Variants in ZNF713 observed in about 807,000 individuals in gnomAD.
The protein encoded by ZNF713 is zinc finger protein 713.
Under a neutral mutation model 28.7 loss-of-function variants are expected in ZNF713, and 21 were observed. The observed-to-expected ratio is 0.73, with a 90% CI of 0.52 to 1.05. The LOEUF is 1.05. ZNF713 is among the 50% of genes least tolerant of loss of function. The pLI is 0.00. For missense variants in ZNF713, 458 were observed against 532.4 expected, an observed-to-expected ratio of 0.86 and a Z score of 1.37; for synonymous variants, 167 against 178.0, an observed-to-expected ratio of 0.94 and a Z score of 0.49.
intron 1 of ZNF713, among the ~76,000 whole-genome samples, chr7:55,898,036 C>T (rs1345259056): frequency 6.6e-6 from 1 of 150,646 alleles, no homozygotes; most frequent in African/African-American, 2.4e-5. Context: ...CAACCCCAAA[C>T]CCCACCCCAC....
chr7:55,934,000 GA>G (rs1198680158), intron 6 of ZNF713, among the ~76,000 whole-genome samples: 1 of 152,024 alleles, frequency 6.6e-6, no homozygotes, highest in Non-Finnish European at 1.5e-5. Flanking sequence ...CCACCATACC[GA>G]GCCTAATTTT....
rs1044871509 is a variant in ZNF713 at position 55,899,998 on chromosome 7, C to T, written c.-582-6255C>T. ...ATCTCAGATGATCCACCCACCTCAG[C>T]CTCCCAAAGTGCAGGGATTACAGGT... On this transcript the variant is annotated intron_variant, in intron 1 of 6. Transcript: ENST00000429591. Among the ~76,000 whole-genome samples, 4 of 152,166 alleles carry T rather than the reference C, an allele frequency of 2.6e-5. No individual in the cohort carries two copies. In the South Asian group the frequency reaches 8.3e-4, roughly 32 times the overall value.
At position 55,918,207 on chromosome 7, in the gene ZNF713, C is replaced by G. The variant is rs183528265; in HGVS notation, c.88-4955C>G. The G allele has an allele frequency of 4.2e-4, 183 of 436,106 alleles. 1 individual carries two copies. Among genetic ancestry groups the G allele is most frequent in the African/African-American group, 3.2e-3 (159 of 49,984 alleles). 27.0% of individuals were successfully genotyped at this position (436,106 alleles called of 1,614,324 possible). ...CCACCTTGTCAGGAGGAAACCCAGA[C>G]AGCCCATGGAGAAGCCCATATGGAG... On this transcript the variant is annotated intron_variant, in intron 4 of 6. Transcript: ENST00000429591.
rs1232291845 is a variant in ZNF713, at chr7:55,941,989, CT to C, written c.*1984del. ...TATTTTGTTTTAGCTTTAAATTTCCCTGTGGCAAGTCTAGATTTTTTTTCAG... is the reference window on the plus strand; with the variant it reads ...TATTTTGTTTTAGCTTTAAATTTCCCGTGGCAAGTCTAGATTTTTTTTCAG... On this transcript the variant is annotated 3_prime_UTR_variant, in exon 7 of 7. Transcript: ENST00000429591. The C allele has an allele frequency of 1.3e-5, 2 of 152,094 alleles. No homozygotes were observed. Among genetic ancestry groups the C allele is most frequent in the Non-Finnish European group, 2.9e-5 (2 of 68,014 alleles). 9.4% of individuals were successfully genotyped at this position (152,094 alleles called of 1,614,324 possible). A position where few individuals can be genotyped will look rare whatever the true frequency, so the allele number is the denominator to read the frequency against.
At chr7:55,936,651 A>G (rs1283427054) in intron 6 of ZNF713, among the ~76,000 whole-genome samples, 1 of 152,138 alleles carries the variant, frequency 6.6e-6, no homozygotes, top group African/African-American at 2.4e-5. Context: ...GATGACTTAA[A>G]TGGCCTTTGT....
intron 4 of ZNF713, among the ~76,000 whole-genome samples, chr7:55,914,885 T>TA (rs1416193217): frequency 3.9e-5 from 6 of 152,234 alleles, no homozygotes; most frequent in African/African-American, 1.4e-4. Context: ...GACAGAGACT[T>TA]ACTGTGTCAC....
chr7:55,913,834 G>A (rs1785831778), intron 4 of ZNF713, among the ~76,000 whole-genome samples: 1 of 152,130 alleles, frequency 6.6e-6, no homozygotes, highest in Admixed American at 6.6e-5. Flanking sequence ...TTAGCTGGCT[G>A]AGTGCAGGGG....
At chr7:55,931,124 A>G (rs1185218685) in intron 6 of ZNF713, among the ~76,000 whole-genome samples, 3 of 152,034 alleles carry the variant, frequency 2.0e-5, no homozygotes, top group Non-Finnish European at 4.4e-5. Flanking sequence ...TGTCTCTACT[A>G]AAGATACAAA....
intron 2 of ZNF713, among the ~76,000 whole-genome samples, chr7:55,908,496 G>GT: frequency 6.6e-6 from 1 of 152,020 alleles, no homozygotes; most frequent in South Asian, 2.1e-4. Flanking sequence ...GTGTGAGATG[G>GT]TATCTCCTTG....
At position 55,932,075 on chromosome 7, in the gene ZNF713, C is replaced by T. The variant is rs530512511; in HGVS notation, c.308-6907C>T. 7.2e-5 allele frequency among the ~76,000 whole-genome samples: 11 copies of T among 152,308 alleles called. No individual in the cohort carries two copies. In the East Asian group the frequency reaches 7.7e-4, roughly 11 times the overall value. ...TGATAGTTTGGTTGAAATAATACAT[C>T]GGTTTAAAATTAATCTTCTCAATCA... On this transcript the variant is annotated intron_variant, in intron 6 of 6. Transcript: ENST00000429591.
intron 1 of ZNF713, among the ~76,000 whole-genome samples, chr7:55,890,026 G>T (rs1785350044): frequency 6.6e-6 from 1 of 152,220 alleles, no homozygotes; most frequent in African/African-American, 2.4e-5. Flanking sequence ...CTGGCTTGCA[G>T]AAGGGACTGG....
chr7:55,919,509 T>TGTTTTTTTTTTGTTG (rs1785949689), intron 4 of ZNF713, among the ~76,000 whole-genome samples: 1 of 85,316 alleles, frequency 1.2e-5, no homozygotes, highest in Non-Finnish European at 2.3e-5. Context: ...TTTTTTTTTT[T>TGTTTTTTTTTTGTTG]TTTTTTTTTT....
In ZNF713 at chr7:55,939,500, C is replaced by A. The variant is rs749972423; in HGVS notation, c.826C>A (p.Pro276Thr). Residue 276 changes from proline to threonine, a missense_variant, in exon 7 of 7, where the codon CCT becomes ACT. Physicochemically the swap from Pro to Thr is conservative, Grantham distance 38 (BLOSUM62 -1). Transcript: ENST00000429591. The part of the protein sequence containing the change: ...AFSHTSSLSQ[P>T]QMLLTGEKPY... The stretch of plus-strand genomic sequence containing the variant: ...CAGCCACACCTCATCTCTTAGCCAG[C>A]CTCAGATGTTGCTTACAGGAGAGAA... The A allele has an allele frequency of 6.8e-6, 11 of 1,614,088 alleles. No individual in the cohort carries two copies. The highest frequency in any genetic ancestry group is 9.3e-6 in the Non-Finnish European group (11 of 1,180,020).
rs778321853 is a variant in ZNF713, at chr7:55,923,660, TGG to T, written c.270_271del (p.Trp90CysfsTer31). The T allele has an allele frequency of 6.2e-7, 1 of 1,612,334 alleles. No individual in the cohort carries two copies. The highest frequency in any genetic ancestry group is 1.1e-5 in the South Asian group (1 of 90,668). On this transcript the variant is annotated frameshift_variant, in exon 6 of 7. Coordinates refer to ENST00000429591, the MANE Select transcript of ZNF713 (RefSeq NM_182633.3). LOFTEE classifies it low-confidence loss of function (END_TRUNC). ...CGCGCAGTTGGAGCTAGAGGAAGAA[TGG>T]GTGATAGAAAGAGACAGCCTGCTGG... is the stretch of plus-strand genomic sequence containing the variant. Reference protein sequence around the residue: ...VIAQLELEEEWVIERDSLLDT... With the variant: ...VIAQLELEEEXVIERDSLLDT...
intron 1 of ZNF713, among the ~76,000 whole-genome samples, chr7:55,900,776 A>G (rs112487572): frequency 1.3e-5 from 2 of 152,188 alleles, no homozygotes; most frequent in African/African-American, 4.8e-5. Context: ...GATCTATTAC[A>G]CAGAATGATG....
rs759282501 is a variant in ZNF713, at chr7:55,923,172, C to T, written c.98C>T (p.Thr33Met). 1.3e-5 allele frequency: 21 copies of T among 1,611,824 alleles called. No individual in the cohort carries two copies. The highest frequency in any genetic ancestry group is 8.8e-5 in the South Asian group (8 of 90,746). Residue 33 changes from threonine (T) to methionine (M), a missense_variant, in exon 5 of 7, where the codon ACG becomes ATG. Thr to Met is a moderately conservative substitution (Grantham distance 81). Transcript: ENST00000429591. Reference sequence around the variant, plus strand: ...TGCTTGATGTTTCAGGAATCACTGACGTTTCAGGATGTGGCCGTGGACTTC... The same window carrying T: ...TGCTTGATGTTTCAGGAATCACTGATGTTTCAGGATGTGGCCGTGGACTTC... Reference protein sequence around the residue: ...SQMVRSQESLTFQDVAVDFTR... With the variant: ...SQMVRSQESLMFQDVAVDFTR...
intron 6 of ZNF713, chr7:55,924,747 C>G (rs557153402): frequency 6.6e-6 from 1 of 152,190 alleles, no homozygotes; most frequent in Non-Finnish European, 1.5e-5. Flanking sequence ...TGCTGGCACT[C>G]GCCTGTAGGC....
chr7:55,889,822 T>G (rs1302748427), intron 1 of ZNF713, among the ~76,000 whole-genome samples: 1 of 152,244 alleles, frequency 6.6e-6, no homozygotes, highest in African/African-American at 2.4e-5. Context: ...TGATTGGAAA[T>G]GTCAGCTGTG....
intron 1 of ZNF713, among the ~76,000 whole-genome samples, chr7:55,905,879 G>T (rs567148139): frequency 3.3e-5 from 5 of 152,004 alleles, no homozygotes; most frequent in African/African-American, 1.2e-4. Flanking sequence ...CGAGACGGGC[G>T]CATCACCACA....
Sources: allele counts gnomAD v4.1 joint callset (sites outside exome capture counted in the v4.1 genomes callset), GRCh38; gene constraint gnomAD v4.1.1; transcripts MANE v1.5; gene names NCBI Gene and HGNC (gene_info 2026-07-23, HGNC 2026-07-21).